The following DPYD variants were observed in gnomAD, a reference collection of about 807,000 sequenced individuals.
The protein encoded by DPYD is dihydropyrimidine dehydrogenase [NADP(+)].
A neutral mutation model predicts 116.2 loss-of-function variants in DPYD; 109 were observed. That is an observed-to-expected ratio of 0.94 (90% CI 0.80 to 1.10). The LOEUF is 1.10. Ranked by LOEUF, DPYD falls within the 50% of genes least tolerant of loss-of-function variation. DPYD has a pLI of 0.00. For synonymous variants in DPYD, 440 were observed against 432.0 expected, an observed-to-expected ratio of 1.02 and a Z score of -0.23; for missense variants, 1,302 against 1,254.5, an observed-to-expected ratio of 1.04 and a Z score of -0.57.
At chr1:97,173,530 A>T (rs1657027131) in intron 20 of DPYD, among the ~76,000 whole-genome samples, 1 of 151,316 alleles carries the variant, frequency 6.6e-6, no homozygotes, top group Admixed American at 6.6e-5. Context: ...ATATACAATT[A>T]TGTGAAGTAT....
intron 16 of DPYD, among the ~76,000 whole-genome samples, chr1:97,331,538 C>T (rs1222094751): frequency 6.6e-6 from 1 of 152,014 alleles, no homozygotes; most frequent in Non-Finnish European, 1.5e-5. Flanking sequence ...AGTCCATTCA[C>T]CAATAGTTGA....
intron 3 of DPYD, among the ~76,000 whole-genome samples, chr1:97,801,000 T>G (rs1667818753): frequency 6.6e-6 from 1 of 151,962 alleles, no homozygotes; most frequent in Non-Finnish European, 1.5e-5. Flanking sequence ...TTTCCTTTCT[T>G]TGCATTCATC....
At chr1:97,673,191 T>G (rs1320932216) in intron 8 of DPYD, among the ~76,000 whole-genome samples, 1 of 152,240 alleles carries the variant, frequency 6.6e-6, no homozygotes, top group East Asian at 1.9e-4. Context: ...AGTCTTAATT[T>G]TCTTACCCAT....
chr1:97,520,222 T>C (rs1648546125), intron 12 of DPYD, among the ~76,000 whole-genome samples: 1 of 152,094 alleles, frequency 6.6e-6, no homozygotes, highest in African/African-American at 2.4e-5. Flanking sequence ...CTGACATTTA[T>C]ATGCAAAAAA....
At chr1:97,117,140 G>C (rs1652038062) in intron 20 of DPYD, among the ~76,000 whole-genome samples, 1 of 151,552 alleles carries the variant, frequency 6.6e-6, no homozygotes, top group Middle Eastern at 3.4e-3. Flanking sequence ...TTCCAGCCTG[G>C]ACAACAGAGC....
Position 97,193,153 on chromosome 1 carries a change from T to C in DPYD, c.2538A>G (p.Leu846=), listed in dbSNP as rs1477362640. Residue 846 remains leucine (L), a synonymous_variant, in exon 20 of 23, where the codon CTA becomes CTG. Transcript: ENST00000370192. ...CTGGACTCTGTCCATCCCAGTCTTG[T>C]AGTTCTTCAATGCTTTTCAGATAAA... ...ALLYLKSIEE[L]QDWDGQSPAT... 1.2e-6 allele frequency: 2 copies of C among 1,614,062 alleles called. No homozygotes were observed. The highest frequency in any genetic ancestry group is 1.7e-6 in the Non-Finnish European group (2 of 1,179,964).
At chr1:97,113,430 A>G (rs2101628302) in intron 20 of DPYD, among the ~76,000 whole-genome samples, 1 of 152,220 alleles carries the variant, frequency 6.6e-6, no homozygotes, top group Admixed American at 6.6e-5. Flanking sequence ...TCGTAGAGGA[A>G]GAAGAAGTGA....
intron 12 of DPYD, among the ~76,000 whole-genome samples, chr1:97,535,431 A>G (rs1649922083): frequency 6.6e-6 from 1 of 152,140 alleles, no homozygotes; most frequent in African/African-American, 2.4e-5. Context: ...TTGATACTGC[A>G]GTGGTTAATT....
rs559239013 is a variant in DPYD, at chr1:97,256,092, G to T, written c.2300-21098C>A. On this transcript the variant is annotated intron_variant, in intron 18 of 22. Transcript: ENST00000370192. ...AGTTTTGCCTATTTTAAGACTTTATGTTCCTACCAAAAGTTGAAGGCCTAT... is the reference window on the plus strand; with the variant it reads ...AGTTTTGCCTATTTTAAGACTTTATTTTCCTACCAAAAGTTGAAGGCCTAT... Among the ~76,000 whole-genome samples, 7 of 152,174 alleles carry T rather than the reference G, an allele frequency of 4.6e-5. No individual in the cohort carries two copies. In the East Asian group the frequency reaches 1.4e-3, roughly 29 times the overall value.
At chr1:97,848,115 T>C (rs1171633578) in intron 2 of DPYD, among the ~76,000 whole-genome samples, 1 of 152,228 alleles carries the variant, frequency 6.6e-6, no homozygotes, top group Non-Finnish European at 1.5e-5. Context: ...TCTTTTTTTT[T>C]GAGACGGAGT....
rs147971563 is a variant in DPYD at position 97,439,723 on chromosome 1, C to G, written c.1905+10336G>C. 3.3e-3 allele frequency among the ~76,000 whole-genome samples: 497 copies of G among 152,042 alleles called. 8 individuals carry two copies. The East Asian group carries it at 0.038, about 12-fold the overall frequency. On this transcript the variant is annotated intron_variant, in intron 14 of 22. Coordinates refer to ENST00000370192, the MANE Select transcript of DPYD (RefSeq NM_000110.4). ...TTTTTCCAATTTCATTTCTTTTCCA[C>G]TCTGATCTTTATTATATCATTTATT...
At chr1:97,801,517 A>C (rs1294972291) in intron 3 of DPYD, among the ~76,000 whole-genome samples, 1 of 151,942 alleles carries the variant, frequency 6.6e-6, no homozygotes, top group African/African-American at 2.4e-5. Context: ...TATATTAGAT[A>C]GTTGTAAGTT....
intron 19 of DPYD, among the ~76,000 whole-genome samples, chr1:97,226,483 A>C (rs1661172674): frequency 6.6e-6 from 1 of 152,170 alleles, no homozygotes; most frequent in African/African-American, 2.4e-5. Flanking sequence ...GAAACTCGGA[A>C]GCCTCCACCA....
At chr1:97,823,102 A>C (rs577169822) in intron 3 of DPYD, among the ~76,000 whole-genome samples, 185 of 152,282 alleles carry the variant, frequency 1.2e-3, no homozygotes, top group African/African-American at 4.1e-3. Context: ...CAAGGTAATT[A>C]GCATATCTAT....
At chr1:97,362,420 A>G (rs1435499761) in intron 16 of DPYD, among the ~76,000 whole-genome samples, 4 of 152,198 alleles carry the variant, frequency 2.6e-5, no homozygotes. Flanking sequence ...TCAAGCTATC[A>G]ATGACTTTCT....
intron 2 of DPYD, among the ~76,000 whole-genome samples, chr1:97,837,674 T>C (rs904962294): frequency 1.3e-5 from 2 of 152,146 alleles, no homozygotes; most frequent in Non-Finnish European, 2.9e-5. Flanking sequence ...CCCAGAATAA[T>C]AAGTGATTAT....
intron 18 of DPYD, among the ~76,000 whole-genome samples, chr1:97,267,288 G>A (rs1403590910): frequency 6.6e-6 from 1 of 152,128 alleles, no homozygotes; most frequent in African/African-American, 2.4e-5. Flanking sequence ...CAGTGATGAT[G>A]AGCATTTTTT....
At chr1:97,234,719 G>T in intron 19 of DPYD, 133 bp downstream of exon 19, 2 of 1,092,662 alleles carry the variant, frequency 1.8e-6, no homozygotes, top group Non-Finnish European at 2.7e-6. Flanking sequence ...CTTAATACAT[G>T]CTGCCATTTT....
chr1:97,764,162 A>C (rs942313279), intron 3 of DPYD, among the ~76,000 whole-genome samples: 3 of 152,046 alleles, frequency 2.0e-5, no homozygotes, highest in African/African-American at 7.2e-5. Context: ...GTAAATATAA[A>C]ACAAAAAGTG....
Sources: allele counts gnomAD v4.1 joint callset (sites outside exome capture counted in the v4.1 genomes callset), GRCh38; gene constraint gnomAD v4.1.1; transcripts MANE v1.5; gene names NCBI Gene and HGNC (gene_info 2026-07-23, HGNC 2026-07-21).